Variants in NEK7 observed in about 807,000 individuals in gnomAD.
NEK7 encodes the protein serine/threonine-protein kinase Nek7.
In NEK7, 18 loss-of-function variants were observed where a neutral mutation model predicts 44.6. The ratio of observed to expected loss-of-function variants is 0.40; its 90% CI spans 0.28 to 0.60. The LOEUF is 0.60. Ranked by LOEUF, NEK7 falls within the 20% of genes least tolerant of loss-of-function variation. The pLI is 0.38. For missense variants in NEK7, 256 were observed against 366.5 expected, an observed-to-expected ratio of 0.70 and a Z score of 2.46; for synonymous variants, 130 against 121.1, an observed-to-expected ratio of 1.07 and a Z score of -0.48.
intron 7 of NEK7, among the ~76,000 whole-genome samples, chr1:198,280,330 G>A (rs1654155610): frequency 6.6e-6 from 1 of 152,058 alleles, no homozygotes; most frequent in Non-Finnish European, 1.5e-5. Flanking sequence ...ATAGAAGAAT[G>A]TCATAAAAGC....
intron 1 of NEK7, among the ~76,000 whole-genome samples, chr1:198,196,504 A>C (rs1665241105): frequency 6.6e-6 from 1 of 152,244 alleles, no homozygotes; most frequent in African/African-American, 2.4e-5. Flanking sequence ...TTTAGCTTTA[A>C]GTAGTAACAG....
chr1:198,297,196 C>A lies in NEK7; in HGVS notation c.754C>A (p.Gln252Lys). 4.3e-6 allele frequency: 7 copies of A among 1,613,546 alleles called. No homozygotes were observed. Among genetic ancestry groups the A allele is most frequent in the Non-Finnish European group, 5.9e-6 (7 of 1,179,710 alleles). The change falls in exon 9 of 10, where the codon CAG becomes AAG. Residue 252 changes from glutamine to lysine, a missense_variant. Gln to Lys is a moderately conservative substitution (Grantham distance 53). Coordinates refer to ENST00000367385, the MANE Select transcript of NEK7 (RefSeq NM_133494.3). ...NLYSLCKKIE[Q>K]CDYPPLPSDH... is the part of the protein sequence containing the mutation. ...ATACTCACTGTGTAAGAAGATAGAA[C>A]AGTGTGACTACCCACCTCTTCCTTC...
intron 1 of NEK7, among the ~76,000 whole-genome samples, chr1:198,199,419 A>G (rs1256345009): frequency 6.6e-6 from 1 of 152,216 alleles, no homozygotes; most frequent in Non-Finnish European, 1.5e-5. Flanking sequence ...ACAGCACACC[A>G]TAGTATCCAC....
At chr1:198,273,640 T>C (rs769394024) in intron 5 of NEK7, among the ~76,000 whole-genome samples, 25 of 151,790 alleles carry the variant, frequency 1.6e-4, no homozygotes, top group Non-Finnish European at 3.2e-4. Context: ...ATTACAAACT[T>C]ATAACAAAGA....
intron 7 of NEK7, among the ~76,000 whole-genome samples, chr1:198,289,132 TGTGTGTGTG>T (rs1654468162): frequency 4.5e-4 from 1 of 2,202 alleles, no homozygotes; most frequent in African/African-American, 2.9e-3. Context: ...TCCCTGAAGT[TGTGTGTGTG>T]TGTGTGTGTG....
chr1:198,314,029 T>G (rs1655272864), intron 9 of NEK7, among the ~76,000 whole-genome samples: 1 of 151,810 alleles, frequency 6.6e-6, no homozygotes, highest in Non-Finnish European at 1.5e-5. Context: ...GCAGAGTGTT[T>G]TCCAACTTGG....
intron 9 of NEK7, among the ~76,000 whole-genome samples, chr1:198,311,151 C>T (rs1655169938): frequency 6.8e-6 from 1 of 148,042 alleles, no homozygotes; most frequent in Admixed American, 6.8e-5. Context: ...AGAGGTCCTT[C>T]ACATCCCTTG....
At chr1:198,201,846 T>C (rs1571526735) in intron 1 of NEK7, among the ~76,000 whole-genome samples, 1 of 152,290 alleles carries the variant, frequency 6.6e-6, no homozygotes, top group South Asian at 2.1e-4. Flanking sequence ...ATAGTGACCA[T>C]AAACAAGAAA....
At chr1:198,197,346 C>A (rs980992446) in intron 1 of NEK7, among the ~76,000 whole-genome samples, 1 of 152,104 alleles carries the variant, frequency 6.6e-6, no homozygotes, top group South Asian at 2.1e-4. Flanking sequence ...TATGTGAATA[C>A]CAATATGATA....
At chr1:198,262,495 T>C in intron 3 of NEK7, 80 bp from the exon 4 acceptor site, 1 of 850,178 alleles carries the variant, frequency 1.2e-6, no homozygotes. Flanking sequence ...TAATTACATG[T>C]AGAGTATTAA....
intron 1 of NEK7, among the ~76,000 whole-genome samples, chr1:198,216,675 CG>C (rs916273924): frequency 6.6e-6 from 1 of 151,556 alleles, no homozygotes; most frequent in Non-Finnish European, 1.5e-5. Context: ...TAAACAAAAT[CG>C]ATAGGCCACT....
intron 9 of NEK7, among the ~76,000 whole-genome samples, chr1:198,306,373 A>G (rs1343224695): frequency 2.0e-5 from 3 of 152,188 alleles, no homozygotes; most frequent in Non-Finnish European, 4.4e-5. Flanking sequence ...TCTAAGTACT[A>G]TAACCCCAGG....
chr1:198,209,148 A>ATT (rs33969463), intron 1 of NEK7, among the ~76,000 whole-genome samples: 2 of 126,212 alleles, frequency 1.6e-5, no homozygotes, highest in Non-Finnish European at 3.4e-5. Context: ...ATGTGTATAT[A>ATT]TATACTTTTT....
At position 198,314,505 on chromosome 1, in the gene NEK7, C is replaced by T. The variant is rs573452754; in HGVS notation, c.799-4907C>T. Among the ~76,000 whole-genome samples the T allele has an allele frequency of 3.1e-3, 474 of 152,268 alleles. 3 individuals carry two copies. Among genetic ancestry groups the T allele is most frequent in the African/African-American group, 0.01 (436 of 41,558 alleles). On this transcript the variant is annotated intron_variant, in intron 9 of 9. Coordinates refer to ENST00000367385, the MANE Select transcript of NEK7 (RefSeq NM_133494.3). ...CTGCATTCCTTTGGAGGAGGAGAGG[C>T]GCTCTGCTTTTTAGAGTTTCCAGTT...
intron 7 of NEK7, among the ~76,000 whole-genome samples, chr1:198,285,042 G>A (rs1208138205): frequency 1.3e-5 from 2 of 151,916 alleles, no homozygotes; most frequent in African/African-American, 4.8e-5. Context: ...GACTGCCCCC[G>A]CTTCACTCCC....
intron 1 of NEK7, among the ~76,000 whole-genome samples, chr1:198,185,704 C>T (rs1284893309): frequency 1.3e-5 from 2 of 152,168 alleles, no homozygotes; most frequent in Non-Finnish European, 2.9e-5. Context: ...AATGTCCTCT[C>T]TGCCCCATTT....
chr1:198,287,398 CA>C (rs1002689172), intron 7 of NEK7, among the ~76,000 whole-genome samples: 7 of 151,788 alleles, frequency 4.6e-5, no homozygotes, highest in Non-Finnish European at 7.4e-5. Flanking sequence ...TGTCTCAATA[CA>C]AAAACAAAAA....
At chr1:198,199,917 T>C (rs1048285630) in intron 1 of NEK7, among the ~76,000 whole-genome samples, 2 of 152,172 alleles carry the variant, frequency 1.3e-5, no homozygotes, top group African/African-American at 2.4e-5. Flanking sequence ...TTCAGTGTCA[T>C]ACTAATATAT....
At chr1:198,193,333 A>T (rs147704400) in intron 1 of NEK7, among the ~76,000 whole-genome samples, 16 of 152,264 alleles carry the variant, frequency 1.1e-4, no homozygotes, top group African/African-American at 3.4e-4. Flanking sequence ...TACTAACCAA[A>T]AAAAGCCCAG....
Sources: gnomAD v4.1 joint callset for allele counts (sites outside exome capture counted in the v4.1 genomes callset) on GRCh38, gnomAD v4.1.1 for gene constraint, MANE v1.5 for transcripts, NCBI Gene and HGNC (gene_info 2026-07-23, HGNC 2026-07-21) for gene names.